The following AFG1L variants were observed in gnomAD, a reference collection of about 807,000 sequenced individuals.
AFG1L encodes the protein AFG1 like ATPase, also known as AFG1-like ATPase.
A neutral mutation model predicts 62.2 loss-of-function variants in AFG1L; 53 were observed. The observed-to-expected ratio is 0.85, with a 90% CI of 0.68 to 1.07. The LOEUF is 1.07. Ranked by LOEUF, AFG1L falls within the 50% of genes least tolerant of loss-of-function variation. The pLI is 0.00. For missense variants in AFG1L, 555 were observed against 590.5 expected (o/e 0.94, Z 0.62); for synonymous variants, 228 against 210.3 (o/e 1.08, Z -0.73).
At chr6:108,330,848 AAAAT>A (rs1204725966) in intron 2 of AFG1L, among the ~76,000 whole-genome samples, 4 of 152,344 alleles carry the variant, frequency 2.6e-5, no homozygotes, top group Admixed American at 6.5e-5. Flanking sequence ...TACCTGTTTA[AAAAT>A]AAATAAATAA....
At chr6:108,299,802 C>A (rs776338443) in intron 1 of AFG1L, among the ~76,000 whole-genome samples, 3 of 152,056 alleles carry the variant, frequency 2.0e-5, no homozygotes, top group Non-Finnish European at 2.9e-5. Flanking sequence ...AAAGAAAAAG[C>A]AAAAGCTGAG....
intron 2 of AFG1L, among the ~76,000 whole-genome samples, chr6:108,335,624 C>T (rs903582225): frequency 7.2e-5 from 11 of 152,154 alleles, no homozygotes; most frequent in African/African-American, 2.2e-4. Flanking sequence ...TTTGATGAAG[C>T]GCAGATTGGC....
At chr6:108,323,371 A>AT (rs1173786097) in intron 1 of AFG1L, among the ~76,000 whole-genome samples, 10 of 150,466 alleles carry the variant, frequency 6.6e-5, no homozygotes, top group Admixed American at 2.0e-4. Flanking sequence ...TTGTTTAATT[A>AT]TTTTTTTTTT....
intron 6 of AFG1L, among the ~76,000 whole-genome samples, chr6:108,367,807 A>C (rs1283114325): frequency 6.6e-6 from 1 of 152,206 alleles, no homozygotes; most frequent in Non-Finnish European, 1.5e-5. Context: ...AAGTGAGGAA[A>C]AGAAAAGTAG....
rs188398395 is a variant in AFG1L at position 108,488,578 on chromosome 6, C to T, written c.1062+11286C>T. ...GGAAAACACAAGAGTTGGGGCTGGG[C>T]GCAGTGGCTCACGCCTGTAATCCTA... On this transcript the variant is annotated intron_variant, in intron 10 of 12. Transcript: ENST00000368977. Among the ~76,000 whole-genome samples the T allele has an allele frequency of 1.6e-3, 243 of 152,066 alleles. 2 individuals carry two copies. The highest frequency in any genetic ancestry group is 1.1e-3 in the Non-Finnish European group (72 of 67,982).
chr6:108,316,774 TG>T (rs1436537248), intron 1 of AFG1L, among the ~76,000 whole-genome samples: 1 of 152,036 alleles, frequency 6.6e-6, no homozygotes, highest in East Asian at 1.9e-4. Flanking sequence ...CCTCGTGATC[TG>T]CCCGCCTTGG....
At chr6:108,326,947 CA>C (rs554908377) in intron 2 of AFG1L, among the ~76,000 whole-genome samples, 347 of 141,208 alleles carry the variant, frequency 2.5e-3, no homozygotes, top group African/African-American at 7.7e-3. Context: ...GACTCCGTCT[CA>C]AAAAAAAAAA....
rs573315543 is a variant in AFG1L, at chr6:108,403,115, A to G, written c.807+1061A>G. On this transcript the variant is annotated intron_variant, in intron 7 of 12. Coordinates refer to ENST00000368977, the MANE Select transcript of AFG1L (RefSeq NM_145315.5). The stretch of plus-strand genomic sequence containing the variant: ...ATAATGGATAATAGAATTATGAACT[A>G]AGCTGTTTTTCTGGCACATTATTTA... Among the ~76,000 whole-genome samples the G allele has an allele frequency of 9.8e-4, 149 of 152,278 alleles. 2 individuals are homozygous for G. The highest frequency in any genetic ancestry group is 8.7e-4 in the Non-Finnish European group (59 of 68,006).
At chr6:108,474,901 C>A (rs538389636) in intron 8 of AFG1L, among the ~76,000 whole-genome samples, 15 of 152,254 alleles carry the variant, frequency 9.9e-5, no homozygotes, top group Admixed American at 6.5e-4. Context: ...AATTAGATCC[C>A]ATTTGTCAAT....
At chr6:108,456,845 T>C (rs1371984023) in intron 8 of AFG1L, among the ~76,000 whole-genome samples, 2 of 152,186 alleles carry the variant, frequency 1.3e-5, no homozygotes, top group African/African-American at 4.8e-5. Context: ...TTTCTATGTT[T>C]AGATACACAA....
chr6:108,464,861 G>A (rs540218122), intron 8 of AFG1L, among the ~76,000 whole-genome samples: 5 of 152,220 alleles, frequency 3.3e-5, no homozygotes, highest in South Asian at 2.1e-4. Flanking sequence ...TGTGATCAAC[G>A]TTTGATTATC....
At chr6:108,485,254 G>A (rs1057358140) in intron 10 of AFG1L, among the ~76,000 whole-genome samples, 9 of 152,250 alleles carry the variant, frequency 5.9e-5, no homozygotes, top group Non-Finnish European at 1.0e-4. Flanking sequence ...TCAGCAGACT[G>A]AAGCTCCTCT....
At chr6:108,365,799 CAGAAAGGTAT>C (rs1779733554) in intron 5 of AFG1L, among the ~76,000 whole-genome samples, 1 of 151,934 alleles carries the variant, frequency 6.6e-6, no homozygotes, top group African/African-American at 2.4e-5. Flanking sequence ...GGACCTTTGC[CAGAAAGGTAT>C]TAGAAATCTC....
intron 12 of AFG1L, chr6:108,520,066 G>A: frequency 3.6e-6 from 1 of 279,912 alleles, no homozygotes; most frequent in South Asian, 4.5e-5. Flanking sequence ...GAAGCCCACG[G>A]AGGTGGACTA....
intron 3 of AFG1L, among the ~76,000 whole-genome samples, chr6:108,348,964 AT>A (rs942086558): frequency 1.4e-4 from 21 of 152,322 alleles, no homozygotes; most frequent in African/African-American, 5.1e-4. Flanking sequence ...AAATACAGCC[AT>A]ATGGTAACTA....
chr6:108,385,762 G>C (rs138001470), intron 6 of AFG1L, among the ~76,000 whole-genome samples: 1 of 152,240 alleles, frequency 6.6e-6, no homozygotes, highest in Non-Finnish European at 1.5e-5. Flanking sequence ...CAGAGACAGT[G>C]GAACATCTTT....
intron 11 of AFG1L, among the ~76,000 whole-genome samples, chr6:108,510,870 C>T (rs751532241): frequency 1.3e-5 from 2 of 151,962 alleles, no homozygotes; most frequent in Non-Finnish European, 2.9e-5. Context: ...TGAGGCCAGG[C>T]GTTCAAGACC....
chr6:108,451,558 G>T (rs1772054983), intron 8 of AFG1L, among the ~76,000 whole-genome samples: 1 of 152,132 alleles, frequency 6.6e-6, no homozygotes, highest in Non-Finnish European at 1.5e-5. Flanking sequence ...AGCAAATTCA[G>T]AGAATTTAAA....
intron 8 of AFG1L, among the ~76,000 whole-genome samples, chr6:108,464,029 G>A (rs752126367): frequency 1.3e-5 from 2 of 152,158 alleles, no homozygotes; most frequent in Non-Finnish European, 2.9e-5. Context: ...AAATTTCTGC[G>A]TCGAATCAAC....
Sources: gnomAD v4.1 joint callset for allele counts (sites outside exome capture counted in the v4.1 genomes callset) on GRCh38, gnomAD v4.1.1 for gene constraint, MANE v1.5 for transcripts, NCBI Gene and HGNC (gene_info 2026-07-23, HGNC 2026-07-21) for gene names.